The following GALNT13 variants were observed in gnomAD, a reference collection of about 807,000 sequenced individuals.
GALNT13 encodes the protein UDP-GalNAc:polypeptide N-acetylgalactosaminyltransferase 13.
In GALNT13, 28 loss-of-function variants were observed where a neutral mutation model predicts 64.2. The observed-to-expected ratio is 0.44, with a 90% CI of 0.32 to 0.60. The LOEUF is 0.60. Ranked by LOEUF, GALNT13 falls within the 20% of genes least tolerant of loss-of-function variation. The probability of loss-of-function intolerance (pLI) is 0.05; values close to 1 mark genes in which losing one functional copy is unlikely to be tolerated. For missense variants in GALNT13, 577 were observed against 669.8 expected (o/e 0.86, Z 1.53); for synonymous variants, 214 against 224.6 (o/e 0.95, Z 0.42).
the GALNT13 span, among the ~76,000 whole-genome samples, chr2:153,328,243 C>T: frequency 6.6e-6 from 1 of 152,184 alleles, no homozygotes; most frequent in African/African-American, 2.4e-5. Context: ...CTCTCAACCC[C>T]TTCTGGGAGG....
the GALNT13 span, among the ~76,000 whole-genome samples, chr2:153,720,933 G>A: frequency 5.4e-3 from 824 of 151,878 alleles, 2 homozygotes; most frequent in African/African-American, 0.017. Context: ...AAGGCAGGCC[G>A]ACGTTCAGAT....
At chr2:153,170,971 A>T in the GALNT13 span, among the ~76,000 whole-genome samples, 5 of 120,908 alleles carry the variant, frequency 4.1e-5, no homozygotes, top group South Asian at 2.7e-4. Flanking sequence ...AGATGAAATT[A>T]TTTTTTAAAA....
At chr2:153,820,823 C>A in the GALNT13 span, among the ~76,000 whole-genome samples, 1 of 152,050 alleles carries the variant, frequency 6.6e-6, no homozygotes, top group African/African-American at 2.4e-5. Flanking sequence ...ACGAAACAAC[C>A]AGCTACAAAT....
At chr2:153,157,947 C>G in the GALNT13 span, among the ~76,000 whole-genome samples, 1 of 151,902 alleles carries the variant, frequency 6.6e-6, no homozygotes, top group African/African-American at 2.4e-5. Context: ...TAACTTGACT[C>G]TAGAGTTCCC....
the GALNT13 span, among the ~76,000 whole-genome samples, chr2:153,278,523 AT>A: frequency 2.0e-4 from 31 of 152,068 alleles, no homozygotes; most frequent in African/African-American, 7.5e-4. Flanking sequence ...TTTGCAGTGA[AT>A]TTTCGTATAT....
the GALNT13 span, among the ~76,000 whole-genome samples, chr2:153,232,136 C>T: frequency 6.6e-6 from 1 of 152,146 alleles, no homozygotes; most frequent in Non-Finnish European, 1.5e-5. Context: ...CTATGCAACA[C>T]AAATAAGTAC....
chr2:153,302,489 C>A, the GALNT13 span, among the ~76,000 whole-genome samples: 1 of 152,006 alleles, frequency 6.6e-6, no homozygotes, highest in Non-Finnish European at 1.5e-5. Context: ...ATATGGTTTG[C>A]AAATATTATT....
chr2:153,666,471 G>T, the GALNT13 span, among the ~76,000 whole-genome samples: 1 of 152,164 alleles, frequency 6.6e-6, no homozygotes, highest in Non-Finnish European at 1.5e-5. Flanking sequence ...TTGGAGTGGT[G>T]TTGCCAGCAG....
At chr2:153,181,847 ATATAAG>A in the GALNT13 span, among the ~76,000 whole-genome samples, 45 of 146,340 alleles carry the variant, frequency 3.1e-4, no homozygotes, top group African/African-American at 8.5e-4. Context: ...TTATATAATT[ATATAAG>A]TATATTATAT....
the GALNT13 span, among the ~76,000 whole-genome samples, chr2:153,101,987 A>C: frequency 1.3e-5 from 2 of 152,252 alleles, no homozygotes; most frequent in Non-Finnish European, 2.9e-5. Flanking sequence ...CATAGACATA[A>C]ATGCTATATA....
chr2:153,202,017 G>A, the GALNT13 span, among the ~76,000 whole-genome samples: 6 of 122,220 alleles, frequency 4.9e-5, no homozygotes, highest in Non-Finnish European at 7.9e-5. Flanking sequence ...TCGCTCTGTC[G>A]CCCAGGCCGG....
intron 8 of GALNT13, among the ~76,000 whole-genome samples, chr2:154,298,315 G>T (rs894340738): frequency 1.0e-4 from 15 of 148,248 alleles, no homozygotes; most frequent in African/African-American, 3.7e-4. Context: ...GGTCAAAAAC[G>T]AATGTAAATT....
At chr2:153,774,598 G>C in the GALNT13 span, among the ~76,000 whole-genome samples, 1 of 152,034 alleles carries the variant, frequency 6.6e-6, no homozygotes, top group African/African-American at 2.4e-5. Flanking sequence ...TTGAAATTTA[G>C]TCAAGAACAA....
intron 3 of GALNT13, among the ~76,000 whole-genome samples, chr2:153,949,025 G>A (rs867071026): frequency 3.3e-5 from 5 of 152,018 alleles, no homozygotes; most frequent in Admixed American, 2.0e-4. Context: ...ACATTTTACT[G>A]TACCTTTTCT....
chr2:154,032,309 G>A (rs2105308476), intron 3 of GALNT13, among the ~76,000 whole-genome samples: 1 of 152,082 alleles, frequency 6.6e-6, no homozygotes, highest in East Asian at 1.9e-4. Flanking sequence ...TAATGAAGAA[G>A]CCTGTAGGCT....
chr2:153,350,073 G>A, the GALNT13 span, among the ~76,000 whole-genome samples: 9 of 152,068 alleles, frequency 5.9e-5, no homozygotes, highest in East Asian at 1.4e-3. Flanking sequence ...CCTTCCTCTC[G>A]CTTCTTTGGT....
the GALNT13 span, among the ~76,000 whole-genome samples, chr2:153,802,811 C>G: frequency 6.6e-6 from 1 of 152,216 alleles, no homozygotes; most frequent in Non-Finnish European, 1.5e-5. Flanking sequence ...CAAAATACCT[C>G]TAAAACTACT....
the GALNT13 span, among the ~76,000 whole-genome samples, chr2:153,460,768 A>T: frequency 6.6e-6 from 1 of 152,164 alleles, no homozygotes; most frequent in African/African-American, 2.4e-5. Flanking sequence ...CATTAATCAG[A>T]GTGGACATGG....
At chr2:153,260,443 T>C in the GALNT13 span, among the ~76,000 whole-genome samples, 4 of 152,226 alleles carry the variant, frequency 2.6e-5, no homozygotes, top group Non-Finnish European at 5.9e-5. Flanking sequence ...TTCTCCTTTA[T>C]GTTTGAAGAA....
Sources: allele counts gnomAD v4.1 joint callset (sites outside exome capture counted in the v4.1 genomes callset), GRCh38; gene constraint gnomAD v4.1.1; transcripts MANE v1.5; gene names NCBI Gene and HGNC (gene_info 2026-07-23, HGNC 2026-07-21).